STX18: variants seen among roughly 807,000 people sequenced by gnomAD.
STX18 encodes syntaxin 18.
Under a neutral mutation model 50.1 loss-of-function variants are expected in STX18, and 40 were observed. That is an observed-to-expected ratio of 0.80 (90% CI 0.62 to 1.04). STX18 has a LOEUF of 1.04. STX18 is among the 50% of genes least tolerant of loss of function. The pLI is 0.00. For missense variants in STX18, 410 were observed against 415.8 expected (o/e 0.99, Z 0.12); for synonymous variants, 158 against 151.8 (o/e 1.04, Z -0.30).
intron 8 of STX18, chr4:4,423,909 G>A (rs1725100471): frequency 2.7e-6 from 1 of 370,486 alleles, no homozygotes; most frequent in East Asian, 5.9e-5. Flanking sequence ...GGGAGGGCCT[G>A]GTTGTGCCCC....
intron 1 of STX18, among the ~76,000 whole-genome samples, chr4:4,536,989 G>A (rs765221143): frequency 3.9e-5 from 6 of 152,170 alleles, no homozygotes; most frequent in Non-Finnish European, 5.9e-5. Flanking sequence ...CACATGAGCA[G>A]CCCACTTACT....
intron 1 of STX18, among the ~76,000 whole-genome samples, chr4:4,503,986 A>C (rs188148941): frequency 0.01 from 1,526 of 151,792 alleles, 28 homozygotes; most frequent in Non-Finnish European, 0.016. Context: ...GCGGTTACTC[A>C]GTTTTTTTCA....
intron 1 of STX18, among the ~76,000 whole-genome samples, chr4:4,516,512 T>A (rs1404184306): frequency 1.3e-5 from 2 of 152,228 alleles, no homozygotes; most frequent in African/African-American, 4.8e-5. Flanking sequence ...GCCATATTGA[T>A]GATTTTCATA....
At chr4:4,438,164 C>T (rs568218124) in intron 6 of STX18, among the ~76,000 whole-genome samples, 13 of 152,342 alleles carry the variant, frequency 8.5e-5, no homozygotes, top group African/African-American at 2.2e-4. Flanking sequence ...CCCTTTCTCC[C>T]GGACCCCGCC....
At chr4:4,421,927 G>A (rs1177943077) in intron 9 of STX18, among the ~76,000 whole-genome samples, 2 of 152,152 alleles carry the variant, frequency 1.3e-5, no homozygotes, top group Admixed American at 1.3e-4. Context: ...GGCCCCACAG[G>A]AGCAGAGACG....
chr4:4,512,940 C>A (rs992824753), intron 1 of STX18, among the ~76,000 whole-genome samples: 3 of 152,098 alleles, frequency 2.0e-5, no homozygotes, highest in Non-Finnish European at 4.4e-5. Context: ...AATTGACCAA[C>A]CATTGCTCAG....
chr4:4,461,888 C>T (rs1185605278), intron 2 of STX18: 1 of 456,160 alleles, frequency 2.2e-6, no homozygotes, highest in Non-Finnish European at 4.4e-6. Context: ...ACACCTTTCT[C>T]TCCTCTCTTT....
chr4:4,428,259 C>G (rs575462833), intron 7 of STX18, among the ~76,000 whole-genome samples: 1 of 152,354 alleles, frequency 6.6e-6, no homozygotes, highest in African/African-American at 2.4e-5. Flanking sequence ...TCACTGGCTT[C>G]TGGTGGGCCT....
intron 5 of STX18, among the ~76,000 whole-genome samples, chr4:4,439,664 T>C (rs1017933127): frequency 8.0e-5 from 12 of 150,426 alleles, no homozygotes; most frequent in African/African-American, 2.7e-4. Flanking sequence ...CACACGTATA[T>C]GTTCTAAGTC....
At chr4:4,450,717 T>C (rs1008057954) in intron 5 of STX18, among the ~76,000 whole-genome samples, 16 of 152,184 alleles carry the variant, frequency 1.1e-4, no homozygotes, top group Admixed American at 1.0e-3. Context: ...AGGCTATGAC[T>C]GCCCATGCTA....
chr4:4,457,136 C>A lies in STX18; in HGVS notation c.497+55G>T, dbSNP rs187576032. The A allele has an allele frequency of 1.8e-3, 2,719 of 1,485,534 alleles. 1 individual carries two copies. The highest frequency in any genetic ancestry group is 2.1e-3 in the Non-Finnish European group (2,237 of 1,068,020). 92.0% of individuals were successfully genotyped at this position (1,485,534 alleles called of 1,614,324 possible). On this transcript the variant is annotated intron_variant, in intron 5 of 10. Coordinates refer to ENST00000306200, the MANE Select transcript of STX18 (RefSeq NM_016930.4). ...GTAAGTGCTCTACAAACTTTAACTG[C>A]TATTATTAGTAGTACTATTATTAAT...
At chr4:4,465,001 T>C (rs1451712053) in intron 2 of STX18, among the ~76,000 whole-genome samples, 2 of 152,146 alleles carry the variant, frequency 1.3e-5, no homozygotes, top group African/African-American at 2.4e-5. Context: ...CTCTTGGCTC[T>C]TGTTCTTTTA....
intron 1 of STX18, among the ~76,000 whole-genome samples, chr4:4,506,001 T>C (rs942378535): frequency 3.9e-5 from 6 of 152,242 alleles, no homozygotes; most frequent in Non-Finnish European, 7.3e-5. Flanking sequence ...GTACCAGTAC[T>C]TCATTTTTTA....
At chr4:4,517,191 C>G (rs1436092423) in intron 1 of STX18, among the ~76,000 whole-genome samples, 1 of 152,178 alleles carries the variant, frequency 6.6e-6, no homozygotes, top group Non-Finnish European at 1.5e-5. Flanking sequence ...TCAGTACATT[C>G]TTCCCCTGAT....
intron 1 of STX18, among the ~76,000 whole-genome samples, chr4:4,501,795 T>C (rs529962092): frequency 6.6e-6 from 1 of 152,314 alleles, no homozygotes; most frequent in South Asian, 2.1e-4. Flanking sequence ...AAAGATAACA[T>C]TTACTTCTGG....
chr4:4,528,871 A>G (rs956442534), intron 1 of STX18, among the ~76,000 whole-genome samples: 1 of 152,222 alleles, frequency 6.6e-6, no homozygotes. Context: ...AGCTCCAGAG[A>G]TCTCCACGGA....
chr4:4,518,820 C>T (rs1338128724), intron 1 of STX18, among the ~76,000 whole-genome samples: 1 of 152,160 alleles, frequency 6.6e-6, no homozygotes, highest in Non-Finnish European at 1.5e-5. Context: ...CACACGTGCA[C>T]TTTATTTTAT....
intron 7 of STX18, among the ~76,000 whole-genome samples, chr4:4,427,872 T>A (rs537017258): frequency 1.3e-5 from 2 of 152,176 alleles, no homozygotes; most frequent in South Asian, 2.1e-4. Flanking sequence ...AAATACCTAG[T>A]CCCTAGAGGA....
At chr4:4,501,501 G>A (rs1260087611) in intron 1 of STX18, among the ~76,000 whole-genome samples, 2 of 152,184 alleles carry the variant, frequency 1.3e-5, no homozygotes, top group African/African-American at 4.8e-5. Context: ...AAATCTATAT[G>A]AGGGAAAATA....
Sources: gnomAD v4.1 joint callset for allele counts (sites outside exome capture counted in the v4.1 genomes callset) on GRCh38, gnomAD v4.1.1 for gene constraint, MANE v1.5 for transcripts, NCBI Gene and HGNC (gene_info 2026-07-23, HGNC 2026-07-21) for gene names.